The following ACCSL variants were observed in gnomAD, a reference collection of about 807,000 sequenced individuals.
ACCSL encodes probable inactive 1-aminocyclopropane-1-carboxylate synthase-like protein 2.
In ACCSL, 55 loss-of-function variants were observed where a neutral mutation model predicts 61.7. The ratio of observed to expected loss-of-function variants is 0.89; its 90% CI spans 0.72 to 1.12. ACCSL has a LOEUF of 1.12. Among genes scored for constraint, ACCSL ranks in the 50% most tolerant of loss-of-function variants. The pLI is 0.00. For synonymous variants in ACCSL, 258 were observed against 264.3 expected, an observed-to-expected ratio of 0.98 and a Z score of 0.23; for missense variants, 632 against 698.0, an observed-to-expected ratio of 0.91 and a Z score of 1.07.
At chr11:43,956,966 C>T in the ACCSL span, among the ~76,000 whole-genome samples, 2 of 151,922 alleles carry the variant, frequency 1.3e-5, no homozygotes, top group African/African-American at 4.8e-5. Flanking sequence ...ACTTAGTGCC[C>T]AGTGAATCTA....
chr11:43,951,831 T>A, the ACCSL span, among the ~76,000 whole-genome samples: 1 of 152,118 alleles, frequency 6.6e-6, no homozygotes, highest in African/African-American at 2.4e-5. Flanking sequence ...TGAAGCCCTG[T>A]CTCTACTAAA....
At chr11:43,981,835 C>T in the ACCSL span, among the ~76,000 whole-genome samples, 4 of 152,330 alleles carry the variant, frequency 2.6e-5, no homozygotes, top group South Asian at 6.2e-4. Context: ...GCTGGTGTTC[C>T]TGTGCTCTGC....
the ACCSL span, among the ~76,000 whole-genome samples, chr11:44,026,948 G>A: frequency 1.3e-5 from 2 of 152,102 alleles, no homozygotes; most frequent in Non-Finnish European, 2.9e-5. Flanking sequence ...GGCTGGTCTC[G>A]AATTCCCAAC....
At chr11:43,962,515 C>T in the ACCSL span, among the ~76,000 whole-genome samples, 3 of 152,232 alleles carry the variant, frequency 2.0e-5, no homozygotes. Context: ...AACAGCAGAA[C>T]AGACAGCTGT....
chr11:43,966,380 C>T, the ACCSL span, among the ~76,000 whole-genome samples: 24 of 148,614 alleles, frequency 1.6e-4, no homozygotes, highest in African/African-American at 4.0e-4. Flanking sequence ...CAGCTGAGAT[C>T]GTGCCACTGC....
chr11:43,930,078 G>A, the ACCSL span, among the ~76,000 whole-genome samples: 1 of 152,192 alleles, frequency 6.6e-6, no homozygotes, highest in African/African-American at 2.4e-5. Context: ...AGGCACTCCC[G>A]AGAGTGTCTG....
the ACCSL span, among the ~76,000 whole-genome samples, chr11:44,012,781 A>G: frequency 5.3e-5 from 8 of 152,214 alleles, no homozygotes; most frequent in Admixed American, 5.2e-4. Context: ...TTAAAGTCCA[A>G]CAATAAGGAA....
the ACCSL span, among the ~76,000 whole-genome samples, chr11:44,003,684 C>T: frequency 6.6e-6 from 1 of 151,908 alleles, no homozygotes; most frequent in Non-Finnish European, 1.5e-5. Flanking sequence ...GCAACTGTTG[C>T]CATTATTCAT....
intron 11 of ACCSL, 110 bp downstream of exon 11, chr11:44,056,436 C>T: frequency 7.4e-7 from 1 of 1,354,110 alleles, no homozygotes; most frequent in Non-Finnish European, 9.9e-7. Flanking sequence ...GACCCTATTT[C>T]CTGTCTCAGA....
At chr11:43,965,409 T>C in the ACCSL span, among the ~76,000 whole-genome samples, 1 of 152,296 alleles carries the variant, frequency 6.6e-6, no homozygotes, top group African/African-American at 2.4e-5. Context: ...GTTGTAAGAC[T>C]TGTACACCGA....
chr11:44,048,441 A>C lies in ACCSL; in HGVS notation c.405A>C (p.Leu135=). The C allele has an allele frequency of 6.2e-7, 1 of 1,613,780 alleles. No individual in the cohort carries two copies. The highest frequency in any genetic ancestry group is 8.5e-7 in the Non-Finnish European group (1 of 1,180,010). The change falls in exon 1 of 14, where the codon CTA becomes CTC. Residue 135 remains leucine (L), a synonymous_variant. Coordinates refer to ENST00000378832, the MANE Select transcript of ACCSL (RefSeq NM_001031854.2). ...DCEAAFVNRD[L]SIRGIDISVF... is the part of the protein sequence containing the mutation. ...AAGCTGCCTTTGTCAACCGCGACCT[A>C]TCCATCCGTGGGATTGACATCTCTG...
the ACCSL span, among the ~76,000 whole-genome samples, chr11:43,932,145 C>T: frequency 6.6e-6 from 1 of 152,232 alleles, no homozygotes; most frequent in East Asian, 1.9e-4. Flanking sequence ...CCTGTGTGGC[C>T]TCATTTTATC....
the ACCSL span, among the ~76,000 whole-genome samples, chr11:43,936,427 C>T: frequency 2.0e-5 from 3 of 152,112 alleles, no homozygotes; most frequent in Non-Finnish European, 4.4e-5. Flanking sequence ...TTACAACATG[C>T]CGGGTACTGT....
At chr11:44,004,609 G>A in the ACCSL span, among the ~76,000 whole-genome samples, 1 of 152,184 alleles carries the variant, frequency 6.6e-6, no homozygotes, top group Non-Finnish European at 1.5e-5. Context: ...TGGCTATCGG[G>A]AAAATGAGGC....
At position 44,056,239 on chromosome 11, in the gene ACCSL, G is replaced by T; in HGVS notation, c.1240G>T (p.Val414Leu). 6.2e-7 allele frequency: 1 copy of T among 1,614,228 alleles called. No homozygotes were observed. The highest frequency in any genetic ancestry group is 8.5e-7 in the Non-Finnish European group (1 of 1,180,044). ...TGCTCTGTATACCCACAACAAGGAG[G>T]TGGCCTCTGCTGTGAGTGCCTTTGG... ...FGALYTHNKE[V>L]ASAVSAFGYL... Residue 414 changes from valine (V) to leucine (L), a missense_variant, in exon 11 of 14, where the codon GTG becomes TTG. Coordinates refer to ENST00000378832, the MANE Select transcript of ACCSL (RefSeq NM_001031854.2).
the ACCSL span, among the ~76,000 whole-genome samples, chr11:43,968,342 C>A: frequency 6.6e-6 from 1 of 151,468 alleles, no homozygotes; most frequent in African/African-American, 2.4e-5. Context: ...CTACCCACGA[C>A]CCCACACCCA....
chr11:44,029,468 C>T, the ACCSL span, among the ~76,000 whole-genome samples: 2 of 152,226 alleles, frequency 1.3e-5, no homozygotes, highest in Non-Finnish European at 2.9e-5. Flanking sequence ...GCACCTGCAA[C>T]AGTGCCTGGT....
chr11:43,953,133 G>A, the ACCSL span, among the ~76,000 whole-genome samples: 1 of 152,170 alleles, frequency 6.6e-6, no homozygotes, highest in Admixed American at 6.5e-5. Context: ...GAGACCTACT[G>A]GGCTGCATTC....
the ACCSL span, among the ~76,000 whole-genome samples, chr11:43,922,796 C>T: frequency 6.6e-6 from 1 of 152,168 alleles, no homozygotes; most frequent in Non-Finnish European, 1.5e-5. Context: ...AAACTCATAG[C>T]AGGCTTTTTC....
Sources: allele counts gnomAD v4.1 joint callset (sites outside exome capture counted in the v4.1 genomes callset), GRCh38; gene constraint gnomAD v4.1.1; transcripts MANE v1.5; gene names NCBI Gene and HGNC (gene_info 2026-07-23, HGNC 2026-07-21).